The following NTRK2 variants were observed in gnomAD, a reference collection of about 807,000 sequenced individuals.
The protein encoded by NTRK2 is neurotrophic receptor tyrosine kinase 2, also known as BDNF/NT-3 growth factors receptor.
NTRK2 carries 13 observed loss-of-function variants against 94.5 expected under a neutral mutation model. The ratio of observed to expected loss-of-function variants is 0.14; its 90% CI spans 0.09 to 0.22. The LOEUF (loss-of-function observed/expected upper bound fraction) is 0.22. NTRK2 is among the 10% of genes least tolerant of loss of function. The pLI, the probability that NTRK2 is intolerant of heterozygous loss-of-function variation, is 1.00. For synonymous variants in NTRK2, 372 were observed against 407.4 expected, an observed-to-expected ratio of 0.91 and a Z score of 1.05; for missense variants, 639 against 1,071.2, an observed-to-expected ratio of 0.60 and a Z score of 5.63.
At chr9:85,004,033 G>GAAAGAAAGAA (rs1830634034) in intron 17 of NTRK2, among the ~76,000 whole-genome samples, 1 of 77,756 alleles carries the variant, frequency 1.3e-5, no homozygotes, top group Non-Finnish European at 2.6e-5. Context: ...AAGAAAGAAA[G>GAAAGAAAGAA]AGAGAAAGAA....
chr9:84,993,376 C>T (rs1564532657), intron 17 of NTRK2, among the ~76,000 whole-genome samples: 1 of 152,200 alleles, frequency 6.6e-6, no homozygotes, highest in Non-Finnish European at 1.5e-5. Context: ...TTTCCTAGCT[C>T]CCATCACCAG....
At chr9:84,949,095 TGGA>T (rs1588020599) in intron 16 of NTRK2, among the ~76,000 whole-genome samples, 1 of 152,278 alleles carries the variant, frequency 6.6e-6, no homozygotes, top group East Asian at 1.9e-4. Context: ...GAAAAACAGC[TGGA>T]GGAGTCAAGG....
chr9:84,879,839 G>C (rs1324014456), intron 14 of NTRK2, among the ~76,000 whole-genome samples: 1 of 152,158 alleles, frequency 6.6e-6, no homozygotes, highest in East Asian at 1.9e-4. Context: ...TGGATCTGAA[G>C]GGTGAGGAGT....
At chr9:84,700,320 A>T (rs1249610927) in intron 2 of NTRK2, among the ~76,000 whole-genome samples, 1 of 152,240 alleles carries the variant, frequency 6.6e-6, no homozygotes, top group Non-Finnish European at 1.5e-5. Context: ...TATCTAAAGT[A>T]TGATAACTCT....
At chr9:84,915,513 C>G (rs1466581864) in intron 14 of NTRK2, among the ~76,000 whole-genome samples, 3 of 152,212 alleles carry the variant, frequency 2.0e-5, no homozygotes, top group Non-Finnish European at 4.4e-5. Context: ...GGCCAGCTCC[C>G]TTTCCCTTTC....
intron 17 of NTRK2, among the ~76,000 whole-genome samples, chr9:85,016,421 C>G (rs978100602): frequency 2.0e-5 from 3 of 152,198 alleles, no homozygotes; most frequent in African/African-American, 4.8e-5. Flanking sequence ...TACTGGAGAG[C>G]CCCTGAGGCC....
intron 8 of NTRK2, among the ~76,000 whole-genome samples, chr9:84,725,680 AT>A (rs1225520472): frequency 4.0e-5 from 6 of 148,650 alleles, no homozygotes; most frequent in African/African-American, 1.5e-4. Context: ...ATATATGCAT[AT>A]GTATAATATA....
At chr9:84,760,390 G>C (rs1036133886) in intron 12 of NTRK2, among the ~76,000 whole-genome samples, 1 of 152,154 alleles carries the variant, frequency 6.6e-6, no homozygotes, top group Non-Finnish European at 1.5e-5. Flanking sequence ...GGTGATTCTT[G>C]TTGAATTCAT....
chr9:84,866,760 A>G (rs547197263), intron 13 of NTRK2, among the ~76,000 whole-genome samples: 3 of 152,350 alleles, frequency 2.0e-5, no homozygotes, highest in South Asian at 2.1e-4. Context: ...AAATTCGTAT[A>G]TGAATGTTCA....
intron 9 of NTRK2, among the ~76,000 whole-genome samples, chr9:84,738,406 T>C (rs1180929329): frequency 1.4e-5 from 2 of 147,918 alleles, no homozygotes; most frequent in Non-Finnish European, 2.9e-5. Flanking sequence ...CATATAACAG[T>C]GTGCAACAGT....
At chr9:84,831,578 A>T (rs1268012084) in intron 12 of NTRK2, among the ~76,000 whole-genome samples, 1 of 152,196 alleles carries the variant, frequency 6.6e-6, no homozygotes, top group East Asian at 1.9e-4. Context: ...TCCTCACAAC[A>T]TTCCTGTGAG....
At chr9:84,873,306 C>G (rs201873742) in intron 14 of NTRK2, 140 of 1,058,986 alleles carry the variant, frequency 1.3e-4, no homozygotes, top group Non-Finnish European at 1.6e-4. Flanking sequence ...AAGGCCATGG[C>G]CTGCACTTTA....
intron 12 of NTRK2, among the ~76,000 whole-genome samples, chr9:84,791,641 T>G (rs1051813239): frequency 4.6e-5 from 7 of 152,236 alleles, no homozygotes; most frequent in African/African-American, 1.7e-4. Flanking sequence ...TATTTCTTCT[T>G]TATACATTGC....
chr9:84,973,705 G>T (rs1030580808), intron 17 of NTRK2, among the ~76,000 whole-genome samples: 9 of 152,172 alleles, frequency 5.9e-5, no homozygotes, highest in African/African-American at 2.2e-4. Flanking sequence ...GGGCCTTTGT[G>T]TCTGGGCCTC....
At chr9:85,015,214 G>T (rs1490264860) in intron 17 of NTRK2, among the ~76,000 whole-genome samples, 2 of 151,990 alleles carry the variant, frequency 1.3e-5, no homozygotes, top group Non-Finnish European at 2.9e-5. Context: ...TTAATTCCCA[G>T]ACATAATAGT....
intron 12 of NTRK2, chr9:84,811,509 G>A (rs913879526): frequency 1.2e-5 from 13 of 1,065,388 alleles, no homozygotes; most frequent in Non-Finnish European, 1.5e-5. Flanking sequence ...CGAGTGAGAA[G>A]GCCACAGTAT....
intron 12 of NTRK2, among the ~76,000 whole-genome samples, chr9:84,772,105 T>A (rs552290759): frequency 6.6e-6 from 1 of 152,294 alleles, no homozygotes; most frequent in Admixed American, 6.5e-5. Context: ...TAGGGAAGAT[T>A]CCTGAGAATG....
At chr9:84,737,840 G>T (rs777730312) in intron 9 of NTRK2, among the ~76,000 whole-genome samples, 2 of 151,446 alleles carry the variant, frequency 1.3e-5, no homozygotes, top group African/African-American at 2.5e-5. Context: ...ACTTCAGGCT[G>T]TACCGTGGAC....
intron 14 of NTRK2, among the ~76,000 whole-genome samples, chr9:84,931,416 A>AAAGAG (rs1163649358): frequency 3.4e-5 from 5 of 147,906 alleles, no homozygotes; most frequent in South Asian, 2.1e-4. Context: ...CAAAAAAAAA[A>AAAGAG]AGAGAGAGAG....
Sources: allele counts gnomAD v4.1 joint callset (sites outside exome capture counted in the v4.1 genomes callset), GRCh38; gene constraint gnomAD v4.1.1; transcripts MANE v1.5; gene names NCBI Gene and HGNC (gene_info 2026-07-23, HGNC 2026-07-21).